Variants in FAM107B observed in about 807,000 individuals in gnomAD.
FAM107B encodes protein FAM107B.
A neutral mutation model predicts 31.5 loss-of-function variants in FAM107B; 21 were observed. The observed-to-expected ratio is 0.67, with a 90% CI of 0.47 to 0.96. FAM107B has a LOEUF of 0.96. Among genes scored for constraint, FAM107B ranks in the 40% least tolerant of loss-of-function variants. The pLI is 0.00. For synonymous variants in FAM107B, 157 were observed against 141.5 expected, an observed-to-expected ratio of 1.11 and a Z score of -0.78; for missense variants, 452 against 377.1, an observed-to-expected ratio of 1.20 and a Z score of -1.64.
intron 2 of FAM107B, among the ~76,000 whole-genome samples, chr10:14,564,565 C>G (rs892063544): frequency 1.3e-5 from 2 of 151,142 alleles, no homozygotes; most frequent in African/African-American, 4.9e-5. Context: ...TAAGGGCAAA[C>G]TGATTCAGAT....
intron 2 of FAM107B, chr10:14,572,289 C>G: frequency 1.0e-6 from 1 of 985,456 alleles, no homozygotes; most frequent in Non-Finnish European, 1.2e-6. Context: ...GTACAAAAAT[C>G]AGCTCCTCTA....
intron 2 of FAM107B, among the ~76,000 whole-genome samples, chr10:14,588,278 T>C (rs1004150325): frequency 1.3e-5 from 2 of 152,002 alleles, no homozygotes; most frequent in Admixed American, 1.3e-4. Context: ...GAGTCAGTCA[T>C]CACATATTTC....
intron 1 of FAM107B, among the ~76,000 whole-genome samples, chr10:14,670,664 T>C (rs1854517896): frequency 6.6e-6 from 1 of 152,228 alleles, no homozygotes; most frequent in Non-Finnish European, 1.5e-5. Context: ...AACATAGCCC[T>C]TTAGCTCTTC....
intron 2 of FAM107B, among the ~76,000 whole-genome samples, chr10:14,614,103 C>T (rs544927364): frequency 6.6e-6 from 1 of 152,184 alleles, no homozygotes; most frequent in Non-Finnish European, 1.5e-5. Flanking sequence ...TGCATTCCAG[C>T]CTGGGCGTCA....
chr10:14,741,373 G>A (rs1465707625), intron 1 of FAM107B, among the ~76,000 whole-genome samples: 3 of 152,196 alleles, frequency 2.0e-5, no homozygotes, highest in East Asian at 1.9e-4. Flanking sequence ...CCACCTGAGA[G>A]CAAGAAGAGA....
chr10:14,622,162 A>AAT (rs1853028279), intron 2 of FAM107B, among the ~76,000 whole-genome samples: 1 of 152,234 alleles, frequency 6.6e-6, no homozygotes, highest in South Asian at 2.1e-4. Flanking sequence ...GGGGCCAGGC[A>AAT]ATATGTCAGG....
chr10:14,576,758 CA>C (rs926127964), intron 2 of FAM107B, among the ~76,000 whole-genome samples: 15 of 152,008 alleles, frequency 9.9e-5, no homozygotes, highest in African/African-American at 3.6e-4. Flanking sequence ...CTACTTACTA[CA>C]AAATGAAAGA....
At position 14,733,770 on chromosome 10, in the gene FAM107B, T is replaced by C. The variant is rs557973698; in HGVS notation, c.411+40483A>G. Among the ~76,000 whole-genome samples the C allele has an allele frequency of 2.0e-5, 3 of 152,312 alleles. No individual in the cohort carries two copies. The South Asian group carries it at 6.2e-4, about 32-fold the overall frequency. The stretch of plus-strand genomic sequence containing the variant: ...TGCCCAAGATGAAACAGTGAGTAAA[T>C]AGCCAAGACTCAAGTCCAACTCTGT... On this transcript the variant is annotated intron_variant, in intron 1 of 4. Coordinates refer to ENST00000181796, the MANE Select transcript of FAM107B (RefSeq NM_031453.4).
At chr10:14,616,710 C>A (rs1852861349) in intron 2 of FAM107B, among the ~76,000 whole-genome samples, 1 of 152,232 alleles carries the variant, frequency 6.6e-6, no homozygotes, top group Admixed American at 6.5e-5. Flanking sequence ...ATCGCTTGAG[C>A]CCAGGAGTTG....
rs116595619 is a variant in FAM107B, at chr10:14,645,163, G to C, written c.469+22471C>G. ...ACCACTTAGTTACAACAGGGCCCCA[G>C]CTTTGTGATTCAGGACATGCTGCTG... is the stretch of plus-strand genomic sequence containing the variant. On this transcript the variant is annotated intron_variant, in intron 2 of 4. Transcript: ENST00000181796. Among the ~76,000 whole-genome samples the C allele has an allele frequency of 6.3e-3, 959 of 152,316 alleles. 9 individuals are homozygous for C. The highest frequency in any genetic ancestry group is 0.022 in the African/African-American group (921 of 41,564).
At chr10:14,674,822 C>A (rs1273810870) in intron 1 of FAM107B, among the ~76,000 whole-genome samples, 1 of 152,104 alleles carries the variant, frequency 6.6e-6, no homozygotes, top group Non-Finnish European at 1.5e-5. Context: ...GCAGCTTCAA[C>A]CTCCCGGGTT....
At chr10:14,527,534 G>A (rs1846421414) in intron 3 of FAM107B, among the ~76,000 whole-genome samples, 1 of 152,200 alleles carries the variant, frequency 6.6e-6, no homozygotes, top group Admixed American at 6.5e-5. Context: ...ACATAAACTT[G>A]CTTTTATTTC....
chr10:14,774,323 T>C lies in FAM107B; in HGVS notation c.341A>G (p.Asp114Gly). Residue 114 changes from aspartate to glycine, a missense_variant, in exon 1 of 5, where the codon GAT becomes GGT. Asp to Gly is a moderately conservative substitution (Grantham distance 94). Transcript: ENST00000181796. ...CACCACTGCTTCACAGTCCGCCCCA[T>C]CATCCAGGGACCCGGGCACATCTTC... ...TPEDVPGSLD[D>G]GADCEAVVFH... The C allele has an allele frequency of 6.2e-7, 1 of 1,614,204 alleles. No individual in the cohort carries two copies. Among genetic ancestry groups the C allele is most frequent in the Middle Eastern group, 1.6e-4 (1 of 6,062 alleles).
chr10:14,586,281 A>G (rs965033785), intron 2 of FAM107B, among the ~76,000 whole-genome samples: 3 of 152,160 alleles, frequency 2.0e-5, no homozygotes, highest in Non-Finnish European at 4.4e-5. Context: ...TGCTTTTAAG[A>G]ATCCTACCTG....
At chr10:14,762,675 G>A (rs141947194) in intron 1 of FAM107B, among the ~76,000 whole-genome samples, 1 of 150,680 alleles carries the variant, frequency 6.6e-6, no homozygotes, top group African/African-American at 2.4e-5. Context: ...AGAATAGCTC[G>A]AACATGGGAG....
At chr10:14,741,204 C>T (rs922057) in intron 1 of FAM107B, among the ~76,000 whole-genome samples, 6 of 151,948 alleles carry the variant, frequency 3.9e-5, no homozygotes, top group African/African-American at 9.7e-5. Context: ...ATGAAAAGAG[C>T]GAGGCAGGAG....
At chr10:14,603,304 C>T (rs184399268) in intron 2 of FAM107B, among the ~76,000 whole-genome samples, 9 of 152,184 alleles carry the variant, frequency 5.9e-5, no homozygotes, top group African/African-American at 2.2e-4. Flanking sequence ...GAGGAGAAAA[C>T]CGATGTACTT....
At chr10:14,760,264 G>A (rs1330500886) in intron 1 of FAM107B, among the ~76,000 whole-genome samples, 1 of 152,156 alleles carries the variant, frequency 6.6e-6, no homozygotes, top group Non-Finnish European at 1.5e-5. Flanking sequence ...CCCATTTCCT[G>A]GCCCCTCACT....
At chr10:14,584,854 G>C (rs1196508814) in intron 2 of FAM107B, among the ~76,000 whole-genome samples, 1 of 152,156 alleles carries the variant, frequency 6.6e-6, no homozygotes, top group Non-Finnish European at 1.5e-5. Context: ...CAACCAATCA[G>C]GCTGGTCACA....
Sources: allele counts gnomAD v4.1 joint callset (sites outside exome capture counted in the v4.1 genomes callset), GRCh38; gene constraint gnomAD v4.1.1; transcripts MANE v1.5; gene names NCBI Gene and HGNC (gene_info 2026-07-23, HGNC 2026-07-21).